Variants in COL26A1 observed in about 807,000 individuals in gnomAD.
The protein encoded by COL26A1 is collagen type XXVI alpha 1 chain.
A neutral mutation model predicts 59.3 loss-of-function variants in COL26A1; 41 were observed. The ratio of observed to expected loss-of-function variants is 0.69; its 90% CI spans 0.54 to 0.90. COL26A1 has a LOEUF of 0.90. Among genes scored for constraint, COL26A1 ranks in the 40% least tolerant of loss-of-function variants. COL26A1 has a pLI of 0.00. For synonymous variants in COL26A1, 266 were observed against 256.0 expected (o/e 1.04, Z -0.37); for missense variants, 612 against 602.3 (o/e 1.02, Z -0.17).
At chr7:101,486,119 G>A (rs1174392322) in intron 3 of COL26A1, among the ~76,000 whole-genome samples, 1 of 151,756 alleles carries the variant, frequency 6.6e-6, no homozygotes, top group African/African-American at 2.4e-5. Flanking sequence ...GTTGCAGTGA[G>A]CCAAGATTGC....
chr7:101,383,285 ATTTT>A (rs1562956211), intron 1 of COL26A1, among the ~76,000 whole-genome samples: 2 of 134,684 alleles, frequency 1.5e-5, no homozygotes, highest in African/African-American at 6.9e-5. Flanking sequence ...TCAAAAAATT[ATTTT>A]AATTTTTTTT....
intron 10 of COL26A1, among the ~76,000 whole-genome samples, chr7:101,551,464 CCTT>C (rs1213200368): frequency 6.6e-6 from 1 of 152,194 alleles, no homozygotes; most frequent in Non-Finnish European, 1.5e-5. Context: ...CTGGGAAGTC[CCTT>C]CTTTTCTCTG....
chr7:101,387,710 AT>A (rs1264999459), intron 1 of COL26A1, among the ~76,000 whole-genome samples: 24 of 132,512 alleles, frequency 1.8e-4, no homozygotes, highest in African/African-American at 4.6e-4. Context: ...ATATTGTAAT[AT>A]TTTTTAACAT....
At position 101,406,158 on chromosome 7, in the gene COL26A1, G is replaced by A. The variant is rs144450256; in HGVS notation, c.159-13819G>A. On this transcript the variant is annotated intron_variant, in intron 1 of 12. Transcript: ENST00000313669. ...GCAAAAAGATTTGGTCAGTCGCCATGGAGATTTCAGATCATCTTTTCCCTC... is the reference window on the plus strand; with the variant it reads ...GCAAAAAGATTTGGTCAGTCGCCATAGAGATTTCAGATCATCTTTTCCCTC... 2.9e-3 allele frequency among the ~76,000 whole-genome samples: 446 copies of A among 152,328 alleles called. 1 individual carries two copies. Among genetic ancestry groups the A allele is most frequent in the African/African-American group, 0.01 (432 of 41,570 alleles).
At chr7:101,470,100 T>A (rs1793859364) in intron 3 of COL26A1, among the ~76,000 whole-genome samples, 1 of 151,348 alleles carries the variant, frequency 6.6e-6, no homozygotes, top group African/African-American at 2.4e-5. Context: ...GATTGCCTTT[T>A]TTTTTGTTTT....
At chr7:101,482,414 C>A (rs1205079945) in intron 3 of COL26A1, among the ~76,000 whole-genome samples, 1 of 152,096 alleles carries the variant, frequency 6.6e-6, no homozygotes, top group Admixed American at 6.5e-5. Flanking sequence ...TTAATTGCAC[C>A]AAATTCCTCC....
intron 1 of COL26A1, among the ~76,000 whole-genome samples, chr7:101,373,401 A>G (rs1791238333): frequency 6.6e-6 from 1 of 152,216 alleles, no homozygotes; most frequent in South Asian, 2.1e-4. Context: ...GAGTTCAAAC[A>G]TCTTGCATTT....
chr7:101,461,455 C>T (rs1793610476), intron 3 of COL26A1, among the ~76,000 whole-genome samples: 1 of 152,080 alleles, frequency 6.6e-6, no homozygotes. Flanking sequence ...CCCGCCACTA[C>T]ACCCGGGTAA....
intron 3 of COL26A1, among the ~76,000 whole-genome samples, chr7:101,528,275 G>A (rs1013729458): frequency 1.3e-5 from 2 of 152,274 alleles, no homozygotes; most frequent in South Asian, 2.1e-4. Flanking sequence ...CCCTCCATCC[G>A]CTGAACTTCC....
intron 12 of COL26A1, 145 bp from the exon 13 acceptor site, chr7:101,557,225 A>G (rs1795999666): frequency 1.5e-6 from 1 of 688,868 alleles, no homozygotes; most frequent in Admixed American, 3.0e-5. Context: ...GAATGAATGA[A>G]TGCATAAGGG....
intron 2 of COL26A1, among the ~76,000 whole-genome samples, chr7:101,444,089 G>C (rs973690133): frequency 6.6e-5 from 10 of 151,694 alleles, no homozygotes; most frequent in Non-Finnish European, 1.5e-5. Context: ...TATTGCCCAG[G>C]CTGGTCTCGA....
intron 1 of COL26A1, among the ~76,000 whole-genome samples, chr7:101,405,259 A>G (rs946254673): frequency 4.9e-4 from 74 of 152,314 alleles, no homozygotes; most frequent in African/African-American, 1.6e-3. Context: ...TTATAATGAA[A>G]ATATAATCAT....
At chr7:101,363,273 A>G (rs1584339186) in intron 1 of COL26A1, 83 bp downstream of exon 1, 1 of 1,092,180 alleles carries the variant, frequency 9.2e-7, no homozygotes, top group Non-Finnish European at 1.2e-6. Context: ...GGCTGGAGCG[A>G]GGCTTGGGGG....
chr7:101,473,289 C>G (rs1793949953), intron 3 of COL26A1, among the ~76,000 whole-genome samples: 2 of 151,634 alleles, frequency 1.3e-5, no homozygotes, highest in Admixed American at 6.6e-5. Context: ...CCATTCACCG[C>G]ATGGTCTTGA....
intron 1 of COL26A1, among the ~76,000 whole-genome samples, chr7:101,405,519 ATCCTCCCTGAATGCTGG>A (rs1792109027): frequency 6.6e-6 from 1 of 151,948 alleles, no homozygotes; most frequent in South Asian, 2.1e-4. Context: ...CCAAATGCTG[ATCCTCCCTGAATGCTGG>A]TCCTCCCTAA....
At chr7:101,482,285 G>T (rs975519055) in intron 3 of COL26A1, among the ~76,000 whole-genome samples, 1 of 152,252 alleles carries the variant, frequency 6.6e-6, no homozygotes, top group East Asian at 1.9e-4. Flanking sequence ...TGGGATTAAA[G>T]GCGTTAGCCA....
At chr7:101,436,484 G>A (rs114564027) in intron 2 of COL26A1, among the ~76,000 whole-genome samples, 2,326 of 152,126 alleles carry the variant, frequency 0.015, 61 homozygotes, top group African/African-American at 0.054. Flanking sequence ...GCTGAGAAGG[G>A]GTACGTGCCC....
chr7:101,396,470 C>CT (rs201290132), intron 1 of COL26A1, among the ~76,000 whole-genome samples: 2,700 of 149,026 alleles, frequency 0.018, 71 homozygotes, highest in African/African-American at 0.062. Flanking sequence ...TTAAGCATTT[C>CT]TTTTTTTTTT....
At chr7:101,368,307 A>G (rs551090994) in intron 1 of COL26A1, among the ~76,000 whole-genome samples, 30 of 152,298 alleles carry the variant, frequency 2.0e-4, no homozygotes, top group African/African-American at 7.2e-4. Flanking sequence ...TTCTTTCATT[A>G]AGGATCGCAA....
Sources: allele counts gnomAD v4.1 joint callset (sites outside exome capture counted in the v4.1 genomes callset), GRCh38; gene constraint gnomAD v4.1.1; transcripts MANE v1.5; gene names NCBI Gene and HGNC (gene_info 2026-07-23, HGNC 2026-07-21).